Variants in GRID2 observed in about 807,000 individuals in gnomAD.
GRID2 encodes glutamate ionotropic receptor delta type subunit 2, also known as glutamate receptor ionotropic, delta-2.
GRID2 carries 33 observed loss-of-function variants against 114.8 expected under a neutral mutation model. The ratio of observed to expected loss-of-function variants is 0.29; its 90% CI spans 0.22 to 0.38. The LOEUF (loss-of-function observed/expected upper bound fraction) is 0.38. GRID2 is among the 10% of genes least tolerant of loss of function. The pLI, the probability that GRID2 is intolerant of heterozygous loss-of-function variation, is 1.00. For missense variants in GRID2, 1,184 were observed against 1,257.7 expected, an observed-to-expected ratio of 0.94 and a Z score of 0.89; for synonymous variants, 505 against 449.9, an observed-to-expected ratio of 1.12 and a Z score of -1.55.
At chr4:93,729,671 G>A (rs1481074169) in intron 14 of GRID2, among the ~76,000 whole-genome samples, 2 of 151,472 alleles carry the variant, frequency 1.3e-5, no homozygotes, top group East Asian at 2.0e-4. Context: ...TCAGCCTCCC[G>A]AGTAGCTAGG....
chr4:93,178,512 C>T (rs1739579495), intron 4 of GRID2, among the ~76,000 whole-genome samples: 1 of 147,842 alleles, frequency 6.8e-6, no homozygotes, highest in African/African-American at 2.5e-5. Context: ...CCTCCTACCT[C>T]AGCCTCCTGA....
In GRID2 at chr4:93,021,631, C is replaced by T. The variant is rs183336539; in HGVS notation, c.245-63364C>T. Reference sequence around the variant, plus strand: ...ATTATTTATATATTGTATATATTATCACTATATTATAAATATAATTATTTA... The same window carrying T: ...ATTATTTATATATTGTATATATTATTACTATATTATAAATATAATTATTTA... On this transcript the variant is annotated intron_variant, in intron 2 of 15. Coordinates refer to ENST00000282020, the MANE Select transcript of GRID2 (RefSeq NM_001510.4). 4.8e-3 allele frequency among the ~76,000 whole-genome samples: 670 copies of T among 140,430 alleles called. 8 individuals carry two copies. The highest frequency in any genetic ancestry group is 0.017 in the African/African-American group (648 of 37,764). The allele number at this position is 140,430 out of a possible 152,430, so 92.1% of individuals were successfully genotyped here.
At chr4:93,791,220 T>C (rs72659537) in intron 1 of GRID2, among the ~76,000 whole-genome samples, 2,659 of 152,306 alleles carry the variant, frequency 0.017, 30 homozygotes, top group Non-Finnish European at 0.025. Context: ...AAAAAAACCT[T>C]TAAGACATTC....
chr4:92,483,252 C>G (rs373450808), intron 1 of GRID2, among the ~76,000 whole-genome samples: 2 of 152,032 alleles, frequency 1.3e-5, no homozygotes, highest in Non-Finnish European at 2.9e-5. Context: ...GCAAGAGAAT[C>G]GCTTGAATCT....
intron 2 of GRID2, among the ~76,000 whole-genome samples, chr4:92,778,518 A>G (rs1738913540): frequency 6.6e-6 from 1 of 152,078 alleles, no homozygotes; most frequent in Non-Finnish European, 1.5e-5. Context: ...CATATTTTTG[A>G]CAACGGTTTT....
At chr4:92,325,988 C>A (rs1726574510) in intron 1 of GRID2, among the ~76,000 whole-genome samples, 1 of 151,496 alleles carries the variant, frequency 6.6e-6, no homozygotes, top group African/African-American at 2.4e-5. Flanking sequence ...TTTGTTTTCT[C>A]CCATGTTTAT....
intron 4 of GRID2, among the ~76,000 whole-genome samples, chr4:93,137,812 C>T (rs1735400081): frequency 6.6e-6 from 1 of 151,922 alleles, no homozygotes; most frequent in Non-Finnish European, 1.5e-5. Flanking sequence ...TTACATTTAT[C>T]TACCTCAAGA....
intron 9 of GRID2, among the ~76,000 whole-genome samples, chr4:93,400,653 A>G (rs1474058940): frequency 6.6e-6 from 1 of 152,112 alleles, no homozygotes; most frequent in Non-Finnish European, 1.5e-5. Flanking sequence ...GTGCGAAGCT[A>G]TGCTGCAACA....
chr4:93,527,441 CT>C (rs1451127181), intron 13 of GRID2, among the ~76,000 whole-genome samples: 1 of 152,032 alleles, frequency 6.6e-6, no homozygotes, highest in African/African-American at 2.4e-5. Flanking sequence ...TAAAACCATG[CT>C]TATGTTTTAC....
chr4:92,406,011 G>A (rs906774425), intron 1 of GRID2, among the ~76,000 whole-genome samples: 37 of 152,270 alleles, frequency 2.4e-4, no homozygotes, highest in African/African-American at 8.2e-4. Context: ...AGGGCAGGAA[G>A]TATCCAGCAT....
chr4:92,643,957 A>G (rs542810426), intron 2 of GRID2, among the ~76,000 whole-genome samples: 1 of 151,820 alleles, frequency 6.6e-6, no homozygotes, highest in Non-Finnish European at 1.5e-5. Flanking sequence ...GTAAATTACT[A>G]TACACACATT....
rs936282590 is a variant in GRID2 at position 92,832,244 on chromosome 4, A to C, written c.244+241958A>C. 3.3e-5 allele frequency among the ~76,000 whole-genome samples: 5 copies of C among 152,108 alleles called. No homozygotes were observed. In the East Asian group the frequency reaches 9.7e-4, roughly 29 times the overall value. ...CACTTGAGGCCAGGAGTTGGAGACC[A>C]GCCTGGCCACCAAGATGAAACACGA... On this transcript the variant is annotated intron_variant, in intron 2 of 15. Transcript: ENST00000282020.
chr4:93,635,473 A>G (rs1721331327), intron 14 of GRID2, among the ~76,000 whole-genome samples: 2 of 151,316 alleles, frequency 1.3e-5, no homozygotes, highest in African/African-American at 4.8e-5. Context: ...GTGAAAGGAA[A>G]TTGTTTTCTT....
At chr4:92,475,862 G>T (rs1337591647) in intron 1 of GRID2, among the ~76,000 whole-genome samples, 1 of 150,918 alleles carries the variant, frequency 6.6e-6, no homozygotes, top group Non-Finnish European at 1.5e-5. Context: ...TATAGTTTTC[G>T]GTTTACAGAT....
At chr4:92,790,720 T>C (rs1314864500) in intron 2 of GRID2, among the ~76,000 whole-genome samples, 1 of 147,658 alleles carries the variant, frequency 6.8e-6, no homozygotes, top group Non-Finnish European at 1.5e-5. Flanking sequence ...GCCCAGCTTT[T>C]TAAGAAAAAA....
At chr4:92,781,338 A>T (rs748362480) in intron 2 of GRID2, among the ~76,000 whole-genome samples, 1 of 152,118 alleles carries the variant, frequency 6.6e-6, no homozygotes, top group South Asian at 2.1e-4. Context: ...TTTAATTACT[A>T]TGTAATTTTT....
At chr4:92,361,042 T>C (rs1415134938) in intron 1 of GRID2, among the ~76,000 whole-genome samples, 2 of 152,034 alleles carry the variant, frequency 1.3e-5, no homozygotes, top group Non-Finnish European at 2.9e-5. Flanking sequence ...ATTATTTTTA[T>C]TTATTGTTTA....
chr4:92,739,561 G>T (rs1312309197), intron 2 of GRID2, among the ~76,000 whole-genome samples: 2 of 152,068 alleles, frequency 1.3e-5, no homozygotes, highest in Non-Finnish European at 2.9e-5. Flanking sequence ...TCTCAAACCA[G>T]TCCGTCCTGT....
chr4:93,493,709 G>A (rs1241027471), intron 12 of GRID2, among the ~76,000 whole-genome samples: 1 of 151,574 alleles, frequency 6.6e-6, no homozygotes, highest in East Asian at 1.9e-4. Context: ...AGCAGTGGGA[G>A]GAGAAGCCTG....
Sources: allele counts gnomAD v4.1 joint callset (sites outside exome capture counted in the v4.1 genomes callset), GRCh38; gene constraint gnomAD v4.1.1; transcripts MANE v1.5; gene names NCBI Gene and HGNC (gene_info 2026-07-23, HGNC 2026-07-21).